Variants in GLCE observed in about 807,000 individuals in gnomAD.
GLCE encodes the protein D-glucuronyl C5-epimerase.
In GLCE, 19 loss-of-function variants were observed where a neutral mutation model predicts 47.9. That is an observed-to-expected ratio of 0.40 (90% CI 0.28 to 0.58). The LOEUF (loss-of-function observed/expected upper bound fraction) is 0.58. GLCE is among the 20% of genes least tolerant of loss of function. GLCE has a pLI of 0.48. For missense variants in GLCE, 556 were observed against 743.3 expected (o/e 0.75, Z 2.93); for synonymous variants, 245 against 263.4 (o/e 0.93, Z 0.68).
rs908859685 is a variant in GLCE at position 69,201,258 on chromosome 15, G to A, written c.-104-9058G>A. Among the ~76,000 whole-genome samples, 6 of 152,068 alleles carry A rather than the reference G, an allele frequency of 3.9e-5. No individual in the cohort carries two copies. The South Asian group carries it at 6.2e-4, about 16-fold the overall frequency. On this transcript the variant is annotated intron_variant, in intron 1 of 4. Transcript: ENST00000261858. ...GTAACTTAGGTTCCAGTGCTTAAGG[G>A]CACAGACATCTTTGGAGGGCCATTG...
intron 2 of GLCE, among the ~76,000 whole-genome samples, chr15:69,248,800 C>G (rs1289677690): frequency 6.6e-6 from 1 of 152,100 alleles, no homozygotes; most frequent in Non-Finnish European, 1.5e-5. Context: ...TGGGATTTCA[C>G]CATGTTGACC....
intron 1 of GLCE, among the ~76,000 whole-genome samples, chr15:69,161,217 C>G (rs148932594): frequency 6.6e-6 from 1 of 151,864 alleles, no homozygotes; most frequent in Non-Finnish European, 1.5e-5. Context: ...AACCTTGTCT[C>G]TGGAGGCAGA....
At chr15:69,200,144 A>G (rs868255597) in intron 1 of GLCE, among the ~76,000 whole-genome samples, 88 of 152,260 alleles carry the variant, frequency 5.8e-4, no homozygotes, top group African/African-American at 2.0e-3. Context: ...GACACTAATC[A>G]GGCAAGGAGA....
intron 2 of GLCE, among the ~76,000 whole-genome samples, chr15:69,212,342 G>A (rs1353117348): frequency 6.6e-6 from 1 of 151,572 alleles, no homozygotes; most frequent in East Asian, 1.9e-4. Flanking sequence ...TCTAGTTGTG[G>A]TACTTAAAAG....
intron 2 of GLCE, among the ~76,000 whole-genome samples, chr15:69,234,817 A>G (rs2052573410): frequency 6.6e-6 from 1 of 152,188 alleles, no homozygotes; most frequent in Admixed American, 6.5e-5. Flanking sequence ...TTTAAATCTT[A>G]TTTAATTCAC....
intron 2 of GLCE, among the ~76,000 whole-genome samples, chr15:69,250,289 C>T (rs1239170995): frequency 6.6e-6 from 1 of 152,054 alleles, no homozygotes; most frequent in Non-Finnish European, 1.5e-5. Flanking sequence ...AATGAAATTA[C>T]TGAGTTTCTC....
intron 3 of GLCE, among the ~76,000 whole-genome samples, chr15:69,256,627 T>C (rs964241672): frequency 5.9e-5 from 9 of 152,172 alleles, no homozygotes; most frequent in African/African-American, 2.2e-4. Context: ...TTAACGTAAC[T>C]CAGAATCTAA....
At chr15:69,242,439 C>T (rs1442952641) in intron 2 of GLCE, among the ~76,000 whole-genome samples, 1 of 151,342 alleles carries the variant, frequency 6.6e-6, no homozygotes, top group Non-Finnish European at 1.5e-5. Context: ...TTTTATTTTC[C>T]TCAGTATCAG....
intron 3 of GLCE, among the ~76,000 whole-genome samples, chr15:69,258,277 T>G (rs2052959631): frequency 6.6e-6 from 1 of 152,154 alleles, no homozygotes; most frequent in African/African-American, 2.4e-5. Context: ...GTTGGTTTGC[T>G]AAGGATAATG....
chr15:69,264,412 A>G (rs892909340), intron 4 of GLCE, among the ~76,000 whole-genome samples: 5 of 152,244 alleles, frequency 3.3e-5, no homozygotes, highest in African/African-American at 4.8e-5. Flanking sequence ...ACACACACAC[A>G]TATTTACACC....
At chr15:69,171,557 C>G (rs1004580147) in intron 1 of GLCE, among the ~76,000 whole-genome samples, 1 of 151,804 alleles carries the variant, frequency 6.6e-6, no homozygotes, top group Non-Finnish European at 1.5e-5. Flanking sequence ...CCACCATGCC[C>G]GGCCAATTTT....
At chr15:69,195,301 C>G (rs893946411) in intron 1 of GLCE, among the ~76,000 whole-genome samples, 6 of 151,710 alleles carry the variant, frequency 4.0e-5, no homozygotes, top group South Asian at 2.1e-4. Context: ...TAAATATAGT[C>G]TCAGCTAAAT....
intron 3 of GLCE, among the ~76,000 whole-genome samples, chr15:69,257,694 A>G (rs1339561227): frequency 6.6e-6 from 1 of 151,574 alleles, no homozygotes; most frequent in African/African-American, 2.4e-5. Flanking sequence ...ATTCACCTAT[A>G]CTCTTACCAC....
chr15:69,208,879 A>C (rs1384726229), intron 1 of GLCE, among the ~76,000 whole-genome samples: 1 of 152,036 alleles, frequency 6.6e-6, no homozygotes, highest in Non-Finnish European at 1.5e-5. Flanking sequence ...TTATGGAGCT[A>C]TTTTGAACGG....
intron 2 of GLCE, among the ~76,000 whole-genome samples, chr15:69,218,659 A>G (rs1187611040): frequency 6.6e-6 from 1 of 152,194 alleles, no homozygotes; most frequent in African/African-American, 2.4e-5. Flanking sequence ...ACGGGGCTTC[A>G]CTTTTGGAAA....
chr15:69,183,787 CT>C (rs1408815537), intron 1 of GLCE, among the ~76,000 whole-genome samples: 1 of 152,196 alleles, frequency 6.6e-6, no homozygotes, highest in African/African-American at 2.4e-5. Context: ...ACTTCAGTTT[CT>C]TCCTTTAGGT....
chr15:69,209,556 G>A (rs1014852880), intron 1 of GLCE, among the ~76,000 whole-genome samples: 8 of 152,004 alleles, frequency 5.3e-5, no homozygotes, highest in Non-Finnish European at 8.8e-5. Flanking sequence ...TTGAGGGGTC[G>A]TCTGTTCATA....
At chr15:69,167,761 T>A (rs946963684) in intron 1 of GLCE, among the ~76,000 whole-genome samples, 1 of 152,116 alleles carries the variant, frequency 6.6e-6, no homozygotes, top group Non-Finnish European at 1.5e-5. Context: ...TAGAAAAGTT[T>A]CTACTTAAGT....
chr15:69,184,438 A>G (rs2051794157), intron 1 of GLCE, among the ~76,000 whole-genome samples: 1 of 152,190 alleles, frequency 6.6e-6, no homozygotes, highest in Non-Finnish European at 1.5e-5. Context: ...TTTTTCACCT[A>G]GTTTATATTA....
Sources: gnomAD v4.1 joint callset for allele counts (sites outside exome capture counted in the v4.1 genomes callset) on GRCh38, gnomAD v4.1.1 for gene constraint, MANE v1.5 for transcripts, NCBI Gene and HGNC (gene_info 2026-07-23, HGNC 2026-07-21) for gene names.